Variants in KALRN observed in about 807,000 individuals in gnomAD.
KALRN encodes kalirin.
A neutral mutation model predicts 353.7 loss-of-function variants in KALRN; 70 were observed. The ratio of observed to expected loss-of-function variants is 0.20; its 90% CI spans 0.16 to 0.24. The LOEUF (loss-of-function observed/expected upper bound fraction) is 0.24. Ranked by LOEUF, KALRN falls within the 10% of genes least tolerant of loss-of-function variation. The pLI is 1.00. For missense variants in KALRN, 2,791 were observed against 3,756.7 expected, an observed-to-expected ratio of 0.74 and a Z score of 6.72; for synonymous variants, 1,391 against 1,434.8, an observed-to-expected ratio of 0.97 and a Z score of 0.69.
chr3:124,713,237 T>C (rs2062976732), intron 58 of KALRN, 102 bp downstream of exon 58: 1 of 994,480 alleles, frequency 1.0e-6, no homozygotes, highest in Non-Finnish European at 1.5e-6. Context: ...CAAGGTCCTA[T>C]CATTTGCAAA....
intron 1 of KALRN, among the ~76,000 whole-genome samples, chr3:124,204,856 A>C (rs867473268): frequency 6.6e-6 from 1 of 152,130 alleles, no homozygotes; most frequent in African/African-American, 2.4e-5. Flanking sequence ...TCCCCACCTA[A>C]AACTAGTATT....
intron 33 of KALRN, among the ~76,000 whole-genome samples, chr3:124,506,509 T>C (rs147887763): frequency 1.3e-5 from 2 of 152,344 alleles, no homozygotes; most frequent in Admixed American, 6.5e-5. Flanking sequence ...AAATTGCTAA[T>C]TGCAGAGAGA....
At chr3:124,605,151 G>T (rs2077203607) in intron 34 of KALRN, among the ~76,000 whole-genome samples, 1 of 152,008 alleles carries the variant, frequency 6.6e-6, no homozygotes, top group African/African-American at 2.4e-5. Context: ...TCACTCTGTT[G>T]CCCAGGCTGG....
At chr3:124,246,050 A>G (rs952447114) in intron 3 of KALRN, among the ~76,000 whole-genome samples, 4 of 152,114 alleles carry the variant, frequency 2.6e-5, no homozygotes. Context: ...CATTCTTTTT[A>G]TTGGCTGACT....
chr3:124,635,905 A>G (rs1214575645), intron 36 of KALRN, among the ~76,000 whole-genome samples: 1 of 152,042 alleles, frequency 6.6e-6, no homozygotes, highest in Non-Finnish European at 1.5e-5. Flanking sequence ...GGGTGTTTCC[A>G]TTGTTTGCTA....
intron 13 of KALRN, among the ~76,000 whole-genome samples, chr3:124,403,744 A>G (rs1284522582): frequency 1.3e-5 from 2 of 152,236 alleles, no homozygotes; most frequent in East Asian, 1.9e-4. Flanking sequence ...TTACCTATAT[A>G]GAAATTCAAC....
intron 21 of KALRN, among the ~76,000 whole-genome samples, chr3:124,454,914 C>G (rs1387225937): frequency 6.6e-6 from 1 of 152,064 alleles, no homozygotes; most frequent in Admixed American, 6.6e-5. Flanking sequence ...CCATGGGGGG[C>G]CCTGGAACAA....
intron 34 of KALRN, among the ~76,000 whole-genome samples, chr3:124,589,085 G>A (rs2075510619): frequency 6.6e-6 from 1 of 152,138 alleles, no homozygotes; most frequent in Admixed American, 6.5e-5. Context: ...AGTGTATGGG[G>A]ATTCACAGGG....
intron 1 of KALRN, among the ~76,000 whole-genome samples, chr3:124,223,413 G>A (rs1466437828): frequency 6.6e-6 from 1 of 152,100 alleles, no homozygotes; most frequent in East Asian, 1.9e-4. Flanking sequence ...GACACCACAC[G>A]GGTGAAGTAG....
At chr3:124,180,712 G>T (rs2073450286) in intron 1 of KALRN, among the ~76,000 whole-genome samples, 1 of 152,038 alleles carries the variant, frequency 6.6e-6, no homozygotes, top group South Asian at 2.1e-4. Flanking sequence ...ACTCAGTAAA[G>T]GTTGCCCTCC....
At chr3:124,188,777 T>C (rs982113908) in intron 1 of KALRN, among the ~76,000 whole-genome samples, 3 of 152,172 alleles carry the variant, frequency 2.0e-5, no homozygotes, top group African/African-American at 7.2e-5. Context: ...ATGAGACTCC[T>C]GGATCAGAGA....
chr3:124,226,286 T>G (rs1407582173), intron 1 of KALRN, among the ~76,000 whole-genome samples: 1 of 152,242 alleles, frequency 6.6e-6, no homozygotes, highest in Non-Finnish European at 1.5e-5. Flanking sequence ...TTAGTGAAAT[T>G]TAATTGTTTT....
At chr3:124,064,660 G>A (rs1045531858) in intron 1 of KALRN, among the ~76,000 whole-genome samples, 2 of 152,166 alleles carry the variant, frequency 1.3e-5, no homozygotes, top group Non-Finnish European at 2.9e-5. Flanking sequence ...TCTGGTCATT[G>A]TATGAGCAGA....
intron 32 of KALRN, among the ~76,000 whole-genome samples, chr3:124,495,965 G>GTGTATGTATATATATA (rs1239001137): frequency 2.4e-5 from 1 of 41,478 alleles, no homozygotes; most frequent in Non-Finnish European, 3.9e-5. Context: ...GTGTATGTAT[G>GTGTATGTATATATATA]TATATATATA....
intron 1 of KALRN, among the ~76,000 whole-genome samples, chr3:124,111,265 A>T (rs1049206429): frequency 6.6e-6 from 1 of 152,304 alleles, no homozygotes; most frequent in East Asian, 1.9e-4. Flanking sequence ...TGCAGAACCG[A>T]TAACAACTGA....
chr3:124,506,560 A>G (rs1464250313), intron 33 of KALRN, among the ~76,000 whole-genome samples: 1 of 152,240 alleles, frequency 6.6e-6, no homozygotes, highest in Admixed American at 6.5e-5. Context: ...TGCTTTCTGC[A>G]TGACCGCTGC....
intron 34 of KALRN, among the ~76,000 whole-genome samples, chr3:124,574,480 G>A (rs973293056): frequency 2.0e-5 from 3 of 149,722 alleles, no homozygotes; most frequent in African/African-American, 7.5e-5. Context: ...ATCCAGAGGG[G>A]AAGTCAGGGG....
chr3:124,236,790 G>A (rs2079828645), intron 3 of KALRN, among the ~76,000 whole-genome samples: 1 of 152,214 alleles, frequency 6.6e-6, no homozygotes, highest in South Asian at 2.1e-4. Context: ...TCATGAAAAA[G>A]GTGGAATAAT....
intron 6 of KALRN, among the ~76,000 whole-genome samples, chr3:124,311,619 A>G (rs2078279414): frequency 6.6e-6 from 1 of 152,236 alleles, no homozygotes; most frequent in Non-Finnish European, 1.5e-5. Context: ...CATATGACCT[A>G]GTAATTCAAT....
Sources: gnomAD v4.1 joint callset for allele counts (sites outside exome capture counted in the v4.1 genomes callset) on GRCh38, gnomAD v4.1.1 for gene constraint, MANE v1.5 for transcripts, NCBI Gene and HGNC (gene_info 2026-07-23, HGNC 2026-07-21) for gene names.